LRBA: variants seen among roughly 807,000 people sequenced by gnomAD.
LRBA encodes lipopolysaccharide-responsive and beige-like anchor protein.
LRBA carries 176 observed loss-of-function variants against 330.0 expected under a neutral mutation model. The observed-to-expected ratio is 0.53, with a 90% CI of 0.47 to 0.60. The LOEUF (loss-of-function observed/expected upper bound fraction) is 0.60, where lower values mean the gene tolerates loss of function less well. LRBA is among the 20% of genes least tolerant of loss of function. LRBA has a pLI of 0.00. For synonymous variants in LRBA, 1,230 were observed against 1,193.0 expected (o/e 1.03, Z -0.64); for missense variants, 3,259 against 3,444.8 (o/e 0.95, Z 1.35).
intron 48 of LRBA, among the ~76,000 whole-genome samples, chr4:150,331,383 T>G (rs867548116): frequency 3.9e-5 from 6 of 152,214 alleles, no homozygotes; most frequent in Non-Finnish European, 8.8e-5. Context: ...CTGCTCTTAA[T>G]GAACTCTCCT....
At chr4:150,756,885 G>A (rs1484798266) in intron 35 of LRBA, among the ~76,000 whole-genome samples, 1 of 152,078 alleles carries the variant, frequency 6.6e-6, no homozygotes, top group African/African-American at 2.4e-5. Flanking sequence ...TCAAGAATAA[G>A]AAAACTCTTT....
At chr4:150,588,493 C>A (rs752345880) in intron 39 of LRBA, among the ~76,000 whole-genome samples, 9 of 152,144 alleles carry the variant, frequency 5.9e-5, no homozygotes, top group Non-Finnish European at 1.0e-4. Context: ...CTAAATAAGT[C>A]CATCCACATT....
intron 34 of LRBA, among the ~76,000 whole-genome samples, chr4:150,775,746 G>C (rs7691797): frequency 0.71 from 103,870 of 146,368 alleles, 41,534 homozygotes; most frequent in Non-Finnish European, 0.9. Context: ...TTTGTGGTGA[G>C]TGCACAGAAA....
chr4:150,395,199 AC>A (rs1389458294), intron 47 of LRBA, among the ~76,000 whole-genome samples: 8 of 152,282 alleles, frequency 5.3e-5, no homozygotes, highest in Non-Finnish European at 1.2e-4. Context: ...CCTATTATTT[AC>A]CTTAATATAT....
At chr4:150,794,800 T>G (rs535976748) in intron 34 of LRBA, among the ~76,000 whole-genome samples, 1 of 152,266 alleles carries the variant, frequency 6.6e-6, no homozygotes, top group South Asian at 2.1e-4. Flanking sequence ...CTAGTTTTTC[T>G]ATATACTGTA....
In LRBA at chr4:150,489,286, A is replaced by ATGT. The variant is rs1561250534; in HGVS notation, c.6449-1453_6449-1452insACA. ...TAAGAATATATAATATATTATATAT[A>ATGT]AGAATATATAATATATTATATATAA... On this transcript the variant is annotated intron_variant, in intron 41 of 56. Transcript: ENST00000651943. Among the ~76,000 whole-genome samples the ATGT allele has an allele frequency of 4.4e-5, 4 of 90,518 alleles. 1 individual carries two copies. Among genetic ancestry groups the ATGT allele is most frequent in the Non-Finnish European group, 8.0e-5 (4 of 49,732 alleles). The allele number at this position is 90,518 out of a possible 152,430, so 59.4% of individuals were successfully genotyped here.
At chr4:150,431,235 C>T (rs1276938530) in intron 46 of LRBA, among the ~76,000 whole-genome samples, 1 of 152,198 alleles carries the variant, frequency 6.6e-6, no homozygotes, top group East Asian at 1.9e-4. Flanking sequence ...TATTATTTAT[C>T]ACAGTGATAA....
intron 48 of LRBA, among the ~76,000 whole-genome samples, chr4:150,334,492 ATATG>A (rs1471791616): frequency 2.6e-5 from 4 of 152,128 alleles, no homozygotes; most frequent in East Asian, 3.9e-4. Context: ...TATGTTATAT[ATATG>A]TATGTGTATA....
At chr4:150,580,073 G>T (rs1367523141) in intron 40 of LRBA, 1 of 231,840 alleles carries the variant, frequency 4.3e-6, no homozygotes, top group Non-Finnish European at 8.7e-6. Flanking sequence ...GCTCCCACAG[G>T]CGCGAACTCC....
chr4:150,451,063 T>C (rs927633129), intron 44 of LRBA, among the ~76,000 whole-genome samples: 6 of 151,692 alleles, frequency 4.0e-5, no homozygotes, highest in Admixed American at 6.6e-5. Flanking sequence ...AACAAACAAA[T>C]AGAAAAACTA....
At chr4:150,494,237 T>A (rs867832170) in intron 40 of LRBA, among the ~76,000 whole-genome samples, 6 of 152,304 alleles carry the variant, frequency 3.9e-5, no homozygotes, top group Admixed American at 2.0e-4. Context: ...GCCACATTTT[T>A]AAGAAAGGGT....
chr4:150,937,686 C>T (rs533206137), intron 2 of LRBA, among the ~76,000 whole-genome samples: 17 of 152,132 alleles, frequency 1.1e-4, no homozygotes, highest in African/African-American at 4.1e-4. Flanking sequence ...TTCAGGGTGG[C>T]ATAACATGCT....
chr4:150,678,947 A>C (rs1441544447), intron 37 of LRBA, among the ~76,000 whole-genome samples: 4 of 152,192 alleles, frequency 2.6e-5, no homozygotes, highest in African/African-American at 9.6e-5. Context: ...GTATATTAGC[A>C]TTTTAGTATA....
At chr4:150,604,326 C>A (rs1774412142) in intron 37 of LRBA, among the ~76,000 whole-genome samples, 1 of 151,620 alleles carries the variant, frequency 6.6e-6, no homozygotes, top group Non-Finnish European at 1.5e-5. Context: ...GTTTCTTGAG[C>A]CCATAAGTTG....
chr4:150,534,996 A>T (rs1426123309), intron 40 of LRBA, among the ~76,000 whole-genome samples: 1 of 152,234 alleles, frequency 6.6e-6, no homozygotes, highest in Non-Finnish European at 1.5e-5. Context: ...TCACATAATT[A>T]ATGTTAAACA....
chr4:150,596,660 A>C (rs1052463219), intron 38 of LRBA, among the ~76,000 whole-genome samples: 1 of 151,824 alleles, frequency 6.6e-6, no homozygotes, highest in African/African-American at 2.4e-5. Flanking sequence ...TTGCATACTT[A>C]ATTCTTAATA....
intron 40 of LRBA, among the ~76,000 whole-genome samples, chr4:150,504,348 G>A (rs1467869723): frequency 2.0e-5 from 3 of 152,158 alleles, no homozygotes. Flanking sequence ...AGAGAGAAAG[G>A]TCGGGTTACC....
chr4:150,883,806 A>C (rs1728655165), intron 17 of LRBA, among the ~76,000 whole-genome samples: 4 of 152,208 alleles, frequency 2.6e-5, no homozygotes. Flanking sequence ...ACATTTCTAT[A>C]TACTAGTCCA....
At chr4:150,473,891 A>C (rs961030454) in intron 42 of LRBA, among the ~76,000 whole-genome samples, 17 of 152,220 alleles carry the variant, frequency 1.1e-4, no homozygotes, top group African/African-American at 4.1e-4. Context: ...TTTATCAGAC[A>C]CATGATATAC....
Sources: gnomAD v4.1 joint callset for allele counts (sites outside exome capture counted in the v4.1 genomes callset) on GRCh38, gnomAD v4.1.1 for gene constraint, MANE v1.5 for transcripts, NCBI Gene and HGNC (gene_info 2026-07-23, HGNC 2026-07-21) for gene names.